RSAD2: variants seen among roughly 807,000 people sequenced by gnomAD.
RSAD2 encodes radical S-adenosyl methionine domain containing 2.
A neutral mutation model predicts 37.7 loss-of-function variants in RSAD2; 38 were observed. That is an observed-to-expected ratio of 1.01 (90% CI 0.78 to 1.32). The LOEUF (loss-of-function observed/expected upper bound fraction) is 1.32, where lower values mean the gene tolerates loss of function less well. Among genes scored for constraint, RSAD2 ranks in the 40% most tolerant of loss-of-function variants. The pLI, the probability that RSAD2 is intolerant of heterozygous loss-of-function variation, is 0.00. For synonymous variants in RSAD2, 163 were observed against 157.4 expected, an observed-to-expected ratio of 1.04 and a Z score of -0.27; for missense variants, 428 against 437.5, an observed-to-expected ratio of 0.98 and a Z score of 0.19.
chr2:6,877,125 T>C (rs1203623212), upstream of RSAD2: 1 of 152,230 alleles, frequency 6.6e-6, no homozygotes, highest in Non-Finnish European at 1.5e-5. Flanking sequence ...TAGAAAAGCA[T>C]TGGATTTCCT....
At chr2:6,872,938 C>T (rs2103236235), upstream of RSAD2, among the ~76,000 whole-genome samples, 1 of 152,202 alleles carries the variant, frequency 6.6e-6, no homozygotes, top group South Asian at 2.1e-4. Context: ...AATAGTAATC[C>T]TCTAAACTAC....
chr2:6,865,984 G>A (rs925431329), exon 1 of RSAD2: 3 of 869,364 alleles, frequency 3.5e-6, no homozygotes, highest in Non-Finnish European at 4.7e-6. Flanking sequence ...GGGCCTGCGC[G>A]GTCCCCAGGC....
chr2:6,879,023 C>T, intron 1 of RSAD2: 1 of 459,912 alleles, frequency 2.2e-6, no homozygotes, highest in Non-Finnish European at 4.3e-6. Flanking sequence ...GTGCATGCTG[C>T]ACTCCAGCCA....
rs947399280 is a variant in RSAD2 at position 6,878,010 on chromosome 2, C to G, written c.210C>G (p.Thr70=). ...KEEEEDPPLP[T]TPTSVNYHFT... is the part of the protein sequence containing the mutation. ...AGGAAGAGGACCCTCCTCTGCCCAC[C>G]ACCCCAACCAGCGTCAACTATCACT... is the stretch of plus-strand genomic sequence containing the variant. Residue 70 remains threonine, a synonymous_variant, in exon 1 of 6, where the codon ACC becomes ACG. Coordinates refer to ENST00000382040, the MANE Select transcript of RSAD2 (RefSeq NM_080657.5). 6.2e-7 allele frequency: 1 copy of G among 1,614,084 alleles called. No individual in the cohort carries two copies. The highest frequency in any genetic ancestry group is 1.3e-5 in the African/African-American group (1 of 74,932).
intron 2 of RSAD2, among the ~76,000 whole-genome samples, chr2:6,886,136 CA>C (rs757949542): frequency 4.1e-4 from 62 of 152,294 alleles, no homozygotes; most frequent in Non-Finnish European, 8.5e-4. Flanking sequence ...CAGACTTAAT[CA>C]ACTGCAAGGA....
chr2:6,867,889 T>G (rs1663133142), intron 1 of RSAD2, among the ~76,000 whole-genome samples: 1 of 152,260 alleles, frequency 6.6e-6, no homozygotes. Flanking sequence ...CAATATTATA[T>G]AAGTGTTGAA....
rs766598906 is a variant in RSAD2 at position 6,890,257 on chromosome 2, G to A, written c.820G>A (p.Glu274Lys). 2.5e-6 allele frequency: 4 copies of A among 1,614,194 alleles called. 1 individual carries two copies. In the South Asian group the frequency reaches 4.4e-5, roughly 18 times the overall value. ...REAERFVIGD[E>K]EFERFLERHK... ...AGCAGAAAGATTTGTTATTGGTGAT[G>A]AAGAATTTGAAAGATTCTTGGAGCG... is the stretch of plus-strand genomic sequence containing the variant. Residue 274 changes from glutamate (E) to lysine (K), a missense_variant, in exon 4 of 6, where the codon GAA becomes AAA. Coordinates refer to ENST00000382040, the MANE Select transcript of RSAD2 (RefSeq NM_080657.5).
rs562711561 is a variant in RSAD2, at chr2:6,879,886, T to G, written c.346+1740T>G. On this transcript the variant is annotated intron_variant, in intron 1 of 5. Transcript: ENST00000382040. Reference sequence around the variant, plus strand: ...TTCAGAAAGCCAGGGTTTGAGTTTCTGCTCTAACATTTACTAGATTTGTCA... The same window carrying G: ...TTCAGAAAGCCAGGGTTTGAGTTTCGGCTCTAACATTTACTAGATTTGTCA... Among the ~76,000 whole-genome samples, 10 of 152,306 alleles carry G rather than the reference T, an allele frequency of 6.6e-5. No homozygotes were observed. The East Asian group carries it at 1.9e-3, about 29-fold the overall frequency.
At position 6,896,341 on chromosome 2, in the gene RSAD2, A is replaced by C. The variant is rs7583850; in HGVS notation, c.*399A>C. On this transcript the variant is annotated 3_prime_UTR_variant, in exon 6 of 6. Transcript: ENST00000382040. Reference sequence around the variant, plus strand: ...GCTCTAGTGATATCTGTGGGGGCAAAATTTAATTTGGATTTGATTTTTTAA... The same window carrying C: ...GCTCTAGTGATATCTGTGGGGGCAACATTTAATTTGGATTTGATTTTTTAA... The C allele has an allele frequency of 6.4e-6, 1 of 156,716 alleles. No homozygotes were observed. Among genetic ancestry groups the C allele is most frequent in the South Asian group, 2.1e-4 (1 of 4,874 alleles). 9.7% of individuals were successfully genotyped at this position (156,716 alleles called of 1,614,324 possible). A position where few individuals can be genotyped will look rare whatever the true frequency, so the allele number is the denominator to read the frequency against.
At chr2:6,879,507 C>G (rs1572154378) in intron 1 of RSAD2, among the ~76,000 whole-genome samples, 1 of 152,104 alleles carries the variant, frequency 6.6e-6, no homozygotes, top group Non-Finnish European at 1.5e-5. Flanking sequence ...ATTGTTGTCT[C>G]TTCCTAGAAT....
At chr2:6,869,757 G>A (rs936055421) in intron 1 of RSAD2, among the ~76,000 whole-genome samples, 2 of 152,160 alleles carry the variant, frequency 1.3e-5, no homozygotes, top group Non-Finnish European at 2.9e-5. Flanking sequence ...GGAACAGCAC[G>A]CCTACAAATC....
rs980663444 is a variant in RSAD2, at chr2:6,897,660, A to G, written c.*1718A>G. 6.6e-6 allele frequency: 1 copy of G among 152,194 alleles called. No homozygotes were observed. The highest frequency in any genetic ancestry group is 2.4e-5 in the African/African-American group (1 of 41,438). 9.4% of individuals were successfully genotyped at this position (152,194 alleles called of 1,614,324 possible). ...GTGTCTAAGCTATGATGACCTTCAT[A>G]TAATCAGCATAAACATAAAACAAAT... On this transcript the variant is annotated 3_prime_UTR_variant, in exon 6 of 6. Coordinates refer to ENST00000382040, the MANE Select transcript of RSAD2 (RefSeq NM_080657.5).
At chr2:6,892,699 G>A (rs1417566838) in intron 4 of RSAD2, among the ~76,000 whole-genome samples, 1 of 152,184 alleles carries the variant, frequency 6.6e-6, no homozygotes, top group Non-Finnish European at 1.5e-5. Flanking sequence ...TGGGTCTGAG[G>A]TTGGCCCACC....
chr2:6,867,141 C>T (rs560470371), intron 1 of RSAD2, among the ~76,000 whole-genome samples: 136 of 152,302 alleles, frequency 8.9e-4, no homozygotes, highest in African/African-American at 3.1e-3. Context: ...CCTGCTTGAC[C>T]TTTTCCCTAT....
upstream of RSAD2, chr2:6,877,567 C>T (rs1663306701): frequency 9.1e-6 from 5 of 548,426 alleles, no homozygotes; most frequent in African/African-American, 3.8e-5. Context: ...CTGAGGCAGC[C>T]GTGAGCAGAG....
intron 4 of RSAD2, among the ~76,000 whole-genome samples, chr2:6,891,760 T>C (rs1225367018): frequency 6.6e-6 from 1 of 152,022 alleles, no homozygotes; most frequent in African/African-American, 2.4e-5. Flanking sequence ...AGCGAGACTC[T>C]GTCTCAAACA....
Position 6,865,953 on chromosome 2 carries a change from G to T in RSAD2, c.50G>T (p.Gly17Val), listed in dbSNP as rs1182424822. ...TCGGGAGCAGACGCTTGGCCCCGGG[G>T]CCCCAGGTGCGCGGCTCCGCGGGCC... The change falls in exon 1 of 6, where the codon GGC becomes GTC. Residue 17 changes from glycine (G) to valine (V), a missense_variant. Transcript: ENST00000442639. 3.2e-6 allele frequency: 4 copies of T among 1,250,980 alleles called. No individual in the cohort carries two copies. The Admixed American group carries it at 1.0e-4, about 31-fold the overall frequency. The allele number at this position is 1,250,980 out of a possible 1,614,324, so 77.5% of individuals were successfully genotyped here.
chr2:6,875,833 A>T (rs1375335), upstream of RSAD2, among the ~76,000 whole-genome samples: 143,526 of 152,262 alleles, frequency 0.94, 68,178 homozygotes, highest in East Asian at 1. Context: ...CAAGGATATA[A>T]TTCATCTAGA....
At chr2:6,888,573 C>T (rs16865707) in intron 3 of RSAD2, among the ~76,000 whole-genome samples, 2,463 of 152,230 alleles carry the variant, frequency 0.016, 66 homozygotes, top group African/African-American at 0.057. Flanking sequence ...CTTTTGGTGT[C>T]CTTTTTTCAG....
Sources: allele counts gnomAD v4.1 joint callset (sites outside exome capture counted in the v4.1 genomes callset), GRCh38; gene constraint gnomAD v4.1.1; transcripts MANE v1.5; gene names NCBI Gene and HGNC (gene_info 2026-07-23, HGNC 2026-07-21).